The following EPS8 variants were observed in gnomAD, a reference collection of about 807,000 sequenced individuals.
EPS8 encodes epidermal growth factor receptor kinase substrate 8.
In EPS8, 42 loss-of-function variants were observed where a neutral mutation model predicts 103.8. The observed-to-expected ratio is 0.40, with a 90% CI of 0.32 to 0.52. The LOEUF (loss-of-function observed/expected upper bound fraction) is 0.52, where lower values mean the gene tolerates loss of function less well. Among genes scored for constraint, EPS8 ranks in the 20% least tolerant of loss-of-function variants. The pLI is 0.40. For synonymous variants in EPS8, 344 were observed against 344.6 expected, an observed-to-expected ratio of 1.00 and a Z score of 0.02; for missense variants, 969 against 1,005.1, an observed-to-expected ratio of 0.96 and a Z score of 0.49.
chr12:15,677,847 T>C (rs1945936000), intron 3 of EPS8, among the ~76,000 whole-genome samples: 1 of 152,162 alleles, frequency 6.6e-6, no homozygotes, highest in South Asian at 2.1e-4. Context: ...GTGGAATGAA[T>C]GGACAGATGG....
At position 15,702,858 on chromosome 12, in the gene EPS8, AGTTCATTCG is replaced by A. The variant is rs1438115738; in HGVS notation, c.-21-19895_-21-19887del. On this transcript the variant is annotated intron_variant, in intron 1 of 20. Transcript: ENST00000281172. This position sits in a 1 kb window ranked among gnomAD's most constrained non-coding sequence, Gnocchi z 5.1. ...ATAGAGTGAGCAAAACCACATAATA[AGTTCATTCG>A]AGGCTGGGCGCGGTGGCTCAGGCCT... Among the ~76,000 whole-genome samples, 4 of 152,200 alleles carry A rather than the reference AGTTCATTCG, an allele frequency of 2.6e-5. No homozygotes were observed. Among genetic ancestry groups the A allele is most frequent in the African/African-American group, 9.6e-5 (4 of 41,454 alleles).
Position 15,787,951 on chromosome 12 carries a change from C to T in EPS8, c.-22+1210G>A, listed in dbSNP as rs1591944445. The T allele has an allele frequency of 6.6e-6, 1 of 152,112 alleles. No individual in the cohort carries two copies. Among genetic ancestry groups the T allele is most frequent in the East Asian group, 1.9e-4 (1 of 5,192 alleles). The allele number at this position is 152,112 out of a possible 1,614,324, so 9.4% of individuals were successfully genotyped here. A position where few individuals can be genotyped will look rare whatever the true frequency, so the allele number is the denominator to read the frequency against. ...GACAGGATGACATTGACTTTAATTC[C>T]AATAGACTCACTACCACATGACGTC... is the stretch of plus-strand genomic sequence containing the variant. On this transcript the variant is annotated intron_variant, in intron 1 of 20. Coordinates refer to ENST00000281172, the MANE Select transcript of EPS8 (RefSeq NM_004447.6). This position sits in a 1 kb window ranked among gnomAD's most constrained non-coding sequence, Gnocchi z 4.9.
Position 15,731,487 on chromosome 12 carries a change from G to A in EPS8, c.-21-48515C>T, listed in dbSNP as rs768233293. ...TAATTTTTGTATTTTTAGTAGAAAC[G>A]GGGTTTCACCGTGTAGGCCAGGCTG... On this transcript the variant is annotated intron_variant, in intron 1 of 20. Coordinates refer to ENST00000281172, the MANE Select transcript of EPS8 (RefSeq NM_004447.6). This position sits in a 1 kb window ranked among gnomAD's most constrained non-coding sequence, Gnocchi z 5.1. Among the ~76,000 whole-genome samples the A allele has an allele frequency of 6.6e-6, 1 of 151,992 alleles. No homozygotes were observed. Among genetic ancestry groups the A allele is most frequent in the Non-Finnish European group, 1.5e-5 (1 of 68,006 alleles).
At chr12:15,635,504 G>A (rs1945118155) in intron 17 of EPS8, among the ~76,000 whole-genome samples, 1 of 152,098 alleles carries the variant, frequency 6.6e-6, no homozygotes, top group Non-Finnish European at 1.5e-5. Context: ...GCCATCTTTG[G>A]TAAAATCGTC....
Position 15,725,698 on chromosome 12 carries a change from G to A in EPS8, c.-21-42726C>T, listed in dbSNP as rs997005768. Among the ~76,000 whole-genome samples, 6 of 152,166 alleles carry A rather than the reference G, an allele frequency of 3.9e-5. No individual in the cohort carries two copies. Among genetic ancestry groups the A allele is most frequent in the Middle Eastern group, 3.4e-3 (1 of 294 alleles). ...CTCATTATCTCATTAAAAGAATCCTGACTCATCATCATCAAATAACAGAGA... is the reference window on the plus strand; with the variant it reads ...CTCATTATCTCATTAAAAGAATCCTAACTCATCATCATCAAATAACAGAGA... On this transcript the variant is annotated intron_variant, in intron 1 of 20. Coordinates refer to ENST00000281172, the MANE Select transcript of EPS8 (RefSeq NM_004447.6). The surrounding 1 kb of genome is among the most constrained non-coding windows in gnomAD (Gnocchi z 4.5).
At chr12:15,705,091 GA>G (rs1194617014) in intron 1 of EPS8, among the ~76,000 whole-genome samples, 8 of 151,662 alleles carry the variant, frequency 5.3e-5, no homozygotes, top group African/African-American at 1.7e-4. Context: ...CATCTTGAAG[GA>G]AAAAAAAGCT....
At position 15,760,740 on chromosome 12, in the gene EPS8, A is replaced by C. The variant is rs1464261944; in HGVS notation, c.-22+28421T>G. ...TTGATGCCAAAAATGCATTTGATTA[A>C]ATTTAACATCCCTTCATGATAAAAA... is the stretch of plus-strand genomic sequence containing the variant. On this transcript the variant is annotated intron_variant, in intron 1 of 20. Coordinates refer to ENST00000281172, the MANE Select transcript of EPS8 (RefSeq NM_004447.6). The surrounding 1 kb of genome is among the most constrained non-coding windows in gnomAD (Gnocchi z 4.5). 6.6e-6 allele frequency among the ~76,000 whole-genome samples: 1 copy of C among 152,150 alleles called. No individual in the cohort carries two copies. Among genetic ancestry groups the C allele is most frequent in the Non-Finnish European group, 1.5e-5 (1 of 67,984 alleles).
intron 1 of EPS8, among the ~76,000 whole-genome samples, chr12:15,723,225 C>T (rs1415205506): frequency 1.3e-5 from 2 of 152,102 alleles, no homozygotes; most frequent in Non-Finnish European, 2.9e-5. Context: ...GTGGGAGAAT[C>T]ACTTGAGCCT....
chr12:15,660,679 G>C lies in EPS8; in HGVS notation c.872C>G (p.Ala291Gly). 6.2e-7 allele frequency: 1 copy of C among 1,611,546 alleles called. No individual in the cohort carries two copies. Residue 291 changes from alanine to glycine, a missense_variant, in exon 10 of 21, where the codon GCA (alanine) becomes GGA (glycine). Ala to Gly is a moderately conservative substitution (Grantham distance 60). Transcript: ENST00000281172. Reference sequence around the variant, plus strand: ...TTTAGAAAGCTCAGAAAATGCTTCTGCTGCTTTTTGGAGTTTTGTGATAAA... The same window carrying C: ...TTTAGAAAGCTCAGAAAATGCTTCTCCTGCTTTTTGGAGTTTTGTGATAAA... Reference protein sequence around the residue: ...EFFITKLQKAAEAFSELSKRK... With the variant: ...EFFITKLQKAGEAFSELSKRK...
chr12:15,721,524 A>C lies in EPS8; in HGVS notation c.-21-38552T>G, dbSNP rs1307622197. Among the ~76,000 whole-genome samples the C allele has an allele frequency of 1.3e-5, 2 of 152,166 alleles. No individual in the cohort carries two copies. The highest frequency in any genetic ancestry group is 2.4e-5 in the African/African-American group (1 of 41,438). On this transcript the variant is annotated intron_variant, in intron 1 of 20. Transcript: ENST00000281172. The surrounding 1 kb of genome is among the most constrained non-coding windows in gnomAD (Gnocchi z 4.4). Reference sequence around the variant, plus strand: ...CGGTTCTGTGAACCAATAGATAAAAAATTTCATCTCCAAACCCCCAGGCAG... The same window carrying C: ...CGGTTCTGTGAACCAATAGATAAAACATTTCATCTCCAAACCCCCAGGCAG...
In EPS8 at chr12:15,778,458, G is replaced by A. The variant is rs1041210327; in HGVS notation, c.-22+10703C>T. On this transcript the variant is annotated intron_variant, in intron 1 of 20. Transcript: ENST00000281172. This position sits in a 1 kb window ranked among gnomAD's most constrained non-coding sequence, Gnocchi z 4.5. ...CTACTGACAAAATTAATGTTCTCTC[G>A]ACTAAAAGGATCTTGATGTGCAAAA... Among the ~76,000 whole-genome samples, 3 of 152,068 alleles carry A rather than the reference G, an allele frequency of 2.0e-5. No homozygotes were observed. Among genetic ancestry groups the A allele is most frequent in the Non-Finnish European group, 2.9e-5 (2 of 68,014 alleles).
intron 17 of EPS8, among the ~76,000 whole-genome samples, chr12:15,639,106 T>C (rs1185542040): frequency 1.3e-5 from 2 of 152,242 alleles, no homozygotes; most frequent in Non-Finnish European, 1.5e-5. Context: ...ATATAAACTC[T>C]TGCCTTTTGC....
rs960931748 is a variant in EPS8, at chr12:15,735,774, T to C, written c.-21-52802A>G. On this transcript the variant is annotated intron_variant, in intron 1 of 20. Coordinates refer to ENST00000281172, the MANE Select transcript of EPS8 (RefSeq NM_004447.6). This position sits in a 1 kb window ranked among gnomAD's most constrained non-coding sequence, Gnocchi z 4.4. ...ATCTGTGTAACTTACTGTTGTAAAA[T>C]ATATGTTGAATATGTATCTATCAAT... 6.6e-6 allele frequency among the ~76,000 whole-genome samples: 1 copy of C among 152,232 alleles called. No homozygotes were observed. The highest frequency in any genetic ancestry group is 2.4e-5 in the African/African-American group (1 of 41,462).
rs576839486 is a variant in EPS8, at chr12:15,686,939, T to A, written c.-21-3967A>T. Among the ~76,000 whole-genome samples the A allele has an allele frequency of 2.6e-5, 4 of 152,306 alleles. No homozygotes were observed. In the South Asian group the frequency reaches 6.2e-4, roughly 24 times the overall value. On this transcript the variant is annotated intron_variant, in intron 1 of 20. Coordinates refer to ENST00000281172, the MANE Select transcript of EPS8 (RefSeq NM_004447.6). The stretch of plus-strand genomic sequence containing the variant: ...AGAAGTGTGTTTTTGTGTGTTTGGA[T>A]ATGATATTGAAACATCTATGTCTAG...
chr12:15,669,127 CAAGCCATCTTACAGCCTTGGCCTCCCA>C (rs1482833662), intron 6 of EPS8, among the ~76,000 whole-genome samples: 2 of 152,212 alleles, frequency 1.3e-5, no homozygotes, highest in African/African-American at 4.8e-5. Context: ...CCCCTGGCCT[CAAGCCATCTTACAGCCTTGGCCTCCCA>C]AAGCACTGGG....
chr12:15,761,608 T>C lies in EPS8; in HGVS notation c.-22+27553A>G, dbSNP rs937885588. ...AGACACATAGACCAATAGAAAAGAA[T>C]AGAGAACCCAGAAACAAATCCACAC... On this transcript the variant is annotated intron_variant, in intron 1 of 20. Transcript: ENST00000281172. This position sits in a 1 kb window ranked among gnomAD's most constrained non-coding sequence, Gnocchi z 4.5. Among the ~76,000 whole-genome samples the C allele has an allele frequency of 3.3e-5, 5 of 151,848 alleles. No homozygotes were observed. Among genetic ancestry groups the C allele is most frequent in the Admixed American group, 6.6e-5 (1 of 15,218 alleles).
intron 1 of EPS8, among the ~76,000 whole-genome samples, chr12:15,746,653 A>T (rs1946878377): frequency 6.6e-6 from 1 of 152,170 alleles, no homozygotes; most frequent in African/African-American, 2.4e-5. Flanking sequence ...ATTAATCAAG[A>T]AGCTTGGGTT....
intron 1 of EPS8, among the ~76,000 whole-genome samples, chr12:15,768,426 T>G (rs1947119367): frequency 1.4e-5 from 1 of 72,828 alleles, no homozygotes; most frequent in Admixed American, 2.1e-4. Context: ...AGAGACTCCA[T>G]CTCAAAAAAA....
At chr12:15,758,469 T>A (rs74063367) in intron 1 of EPS8, among the ~76,000 whole-genome samples, 1 of 152,228 alleles carries the variant, frequency 6.6e-6, no homozygotes, top group Non-Finnish European at 1.5e-5. Flanking sequence ...AGAGTATCCA[T>A]TAGCCACATA....
Sources: allele counts gnomAD v4.1 joint callset (sites outside exome capture counted in the v4.1 genomes callset), GRCh38; gene constraint gnomAD v4.1.1; non-coding constraint Gnocchi (gnomAD v3.1); transcripts MANE v1.5; gene names NCBI Gene and HGNC (gene_info 2026-07-23, HGNC 2026-07-21).